RBFOX1: variants seen among roughly 807,000 people sequenced by gnomAD.
The protein encoded by RBFOX1 is RNA binding protein fox-1 homolog 1.
In RBFOX1, 8 loss-of-function variants were observed where a neutral mutation model predicts 57.7. The ratio of observed to expected loss-of-function variants is 0.14; its 90% CI spans 0.08 to 0.25. RBFOX1 has a LOEUF of 0.25. RBFOX1 is among the 10% of genes least tolerant of loss of function. The pLI, the probability that RBFOX1 is intolerant of heterozygous loss-of-function variation, is 1.00. For synonymous variants in RBFOX1, 326 were observed against 222.4 expected (o/e 1.47, Z -4.15); for missense variants, 611 against 548.5 (o/e 1.11, Z -1.14).
intron 5 of RBFOX1, among the ~76,000 whole-genome samples, chr16:7,543,226 A>G (rs113278529): frequency 6.6e-6 from 1 of 152,246 alleles, no homozygotes; most frequent in African/African-American, 2.4e-5. Context: ...ATATGGTTTT[A>G]ACAAGTATTT....
chr16:6,342,216 G>C (rs537649326), intron 2 of RBFOX1, among the ~76,000 whole-genome samples: 2 of 152,292 alleles, frequency 1.3e-5, no homozygotes, highest in East Asian at 3.9e-4. Context: ...TTGTGTAAGG[G>C]ATTATCAGTT....
chr16:7,515,414 C>A (rs1452251089), intron 4 of RBFOX1, among the ~76,000 whole-genome samples: 5 of 151,870 alleles, frequency 3.3e-5, no homozygotes, highest in Non-Finnish European at 5.9e-5. Context: ...GTTAAAAATA[C>A]TGTATTATAT....
At chr16:7,043,680 A>G (rs887490142) in intron 3 of RBFOX1, among the ~76,000 whole-genome samples, 2 of 152,050 alleles carry the variant, frequency 1.3e-5, no homozygotes, top group African/African-American at 2.4e-5. Context: ...CCAACATTCT[A>G]TTATTGTGGA....
At chr16:5,640,675 C>A (rs2048834412) in intron 3 of RBFOX1, among the ~76,000 whole-genome samples, 1 of 151,616 alleles carries the variant, frequency 6.6e-6, no homozygotes, top group Admixed American at 6.6e-5. Flanking sequence ...TACATGCATA[C>A]ACACAAGCAC....
chr16:7,551,858 C>G (rs1356220030), intron 5 of RBFOX1, among the ~76,000 whole-genome samples: 2 of 152,038 alleles, frequency 1.3e-5, no homozygotes, highest in Admixed American at 6.5e-5. Flanking sequence ...ATGGTATGGC[C>G]AAGATAGGTT....
chr16:6,931,589 A>G (rs948940135), intron 3 of RBFOX1, among the ~76,000 whole-genome samples: 1 of 152,112 alleles, frequency 6.6e-6, no homozygotes. Flanking sequence ...TACAATGGAC[A>G]ACATATCCCA....
rs149467041 is a variant in RBFOX1, at chr16:6,651,426, C to G, written c.-63-3177C>G. 8.0e-3 allele frequency among the ~76,000 whole-genome samples: 1,226 copies of G among 152,302 alleles called. 22 individuals are homozygous for G. Among genetic ancestry groups the G allele is most frequent in the African/African-American group, 0.028 (1,160 of 41,558 alleles). On this transcript the variant is annotated intron_variant, in intron 2 of 15. Transcript: ENST00000550418. The stretch of plus-strand genomic sequence containing the variant: ...CACCCTTATCCATCCACCATCATGT[C>G]ACACCTGGACTCCTGTGGTAGCCCC...
intron 4 of RBFOX1, among the ~76,000 whole-genome samples, chr16:7,433,579 C>T (rs993091258): frequency 6.6e-6 from 1 of 152,210 alleles, no homozygotes; most frequent in African/African-American, 2.4e-5. Context: ...TTAAGGGGTT[C>T]ATGTCACACA....
chr16:6,733,284 G>A (rs1321708800), intron 3 of RBFOX1, among the ~76,000 whole-genome samples: 1 of 152,044 alleles, frequency 6.6e-6, no homozygotes, highest in Non-Finnish European at 1.5e-5. Context: ...AAACAAATAT[G>A]ACTTGGGATG....
At chr16:5,261,107 C>T (rs2062720796) in intron 1 of RBFOX1, 1 of 152,154 alleles carries the variant, frequency 6.6e-6, no homozygotes, top group African/African-American at 2.4e-5. Flanking sequence ...TATTTAAAAC[C>T]ACGTTTCAAT....
intron 2 of RBFOX1, among the ~76,000 whole-genome samples, chr16:6,562,832 T>TTTTCTTTCTTTCTTTCTTTCTTTC (rs370685598): frequency 8.6e-4 from 65 of 75,982 alleles, no homozygotes; most frequent in Non-Finnish European, 1.1e-3. Context: ...TTCTTGATTC[T>TTTTCTTTCTTTCTTTCTTTCTTTC]TTTCTTTCTT....
intron 3 of RBFOX1, among the ~76,000 whole-genome samples, chr16:6,988,139 A>G (rs2090698722): frequency 6.6e-6 from 1 of 152,260 alleles, no homozygotes; most frequent in Admixed American, 6.5e-5. Context: ...TACATAAAAA[A>G]GAAAACGCAT....
At chr16:6,953,897 T>G (rs2081262741) in intron 3 of RBFOX1, among the ~76,000 whole-genome samples, 1 of 152,160 alleles carries the variant, frequency 6.6e-6, no homozygotes, top group South Asian at 2.1e-4. Context: ...GACGTAAAGT[T>G]TTTTTTGGTT....
intron 3 of RBFOX1, among the ~76,000 whole-genome samples, chr16:6,816,255 G>A (rs2090041665): frequency 6.6e-6 from 1 of 152,262 alleles, no homozygotes; most frequent in South Asian, 2.1e-4. Flanking sequence ...ACCGTAGTAA[G>A]CTATGATCAC....
At chr16:6,289,653 A>T (rs1191471828) in intron 1 of RBFOX1, among the ~76,000 whole-genome samples, 2 of 152,178 alleles carry the variant, frequency 1.3e-5, no homozygotes, top group East Asian at 3.9e-4. Context: ...GACTCAAAAC[A>T]TAGCTGGCCC....
At chr16:5,625,197 C>G (rs4786740) in intron 3 of RBFOX1, among the ~76,000 whole-genome samples, 3 of 151,764 alleles carry the variant, frequency 2.0e-5, no homozygotes, top group African/African-American at 7.3e-5. Context: ...AGATGAGCCC[C>G]CCAGAACAGG....
intron 4 of RBFOX1, among the ~76,000 whole-genome samples, chr16:7,160,856 CCTT>C (rs530721587): frequency 0.019 from 2,842 of 147,392 alleles, 51 homozygotes; most frequent in Admixed American, 0.039. Flanking sequence ...TCCTCCTCCT[CCTT>C]CTTTTTCTTC....
rs148047317 is a variant in RBFOX1 at position 7,083,379 on chromosome 16, G to A, written c.27+31281G>A. ...CACATGTTCAAGCAGGTGGGAGAATGAATGGGTGCAAACTGAGCAGAGGCA... is the reference window on the plus strand; with the variant it reads ...CACATGTTCAAGCAGGTGGGAGAATAAATGGGTGCAAACTGAGCAGAGGCA... On this transcript the variant is annotated intron_variant, in intron 4 of 15. Transcript: ENST00000550418. 1.9e-3 allele frequency among the ~76,000 whole-genome samples: 291 copies of A among 152,146 alleles called. 4 individuals carry two copies. Among genetic ancestry groups the A allele is most frequent in the South Asian group, 0.011 (51 of 4,814 alleles).
intron 3 of RBFOX1, among the ~76,000 whole-genome samples, chr16:5,840,903 C>T (rs2056604912): frequency 6.6e-6 from 1 of 152,180 alleles, no homozygotes; most frequent in African/African-American, 2.4e-5. Flanking sequence ...ACAAGGTCTT[C>T]TGCCTCTCTT....
Sources: allele counts gnomAD v4.1 joint callset (sites outside exome capture counted in the v4.1 genomes callset), GRCh38; gene constraint gnomAD v4.1.1; transcripts MANE v1.5; gene names NCBI Gene and HGNC (gene_info 2026-07-23, HGNC 2026-07-21).